Variants in MPP4 observed in about 807,000 individuals in gnomAD.
MPP4 encodes MAGUK p55 scaffold protein 4.
MPP4 carries 91 observed loss-of-function variants against 98.3 expected under a neutral mutation model. The ratio of observed to expected loss-of-function variants is 0.93; its 90% CI spans 0.78 to 1.10. MPP4 has a LOEUF of 1.10. MPP4 is among the 50% of genes least tolerant of loss of function. MPP4 has a pLI of 0.00. For missense variants in MPP4, 744 were observed against 792.9 expected, an observed-to-expected ratio of 0.94 and a Z score of 0.74; for synonymous variants, 261 against 271.8, an observed-to-expected ratio of 0.96 and a Z score of 0.39.
intron 10 of MPP4, among the ~76,000 whole-genome samples, chr2:201,676,486 G>A (rs541261193): frequency 1.3e-5 from 2 of 152,356 alleles, no homozygotes; most frequent in Admixed American, 6.5e-5. Flanking sequence ...ATTTGGCATC[G>A]TGAGGACTAA....
At chr2:201,656,776 G>A (rs539648321) in intron 16 of MPP4, among the ~76,000 whole-genome samples, 92 of 152,210 alleles carry the variant, frequency 6.0e-4, no homozygotes, top group Non-Finnish European at 1.0e-3. Context: ...AAAGGTTGGC[G>A]TTGAGCAGAC....
chr2:201,680,603 T>C (rs1688638021), intron 10 of MPP4: 2 of 472,840 alleles, frequency 4.2e-6, no homozygotes, highest in Non-Finnish European at 3.8e-6. Flanking sequence ...AAGTTTAATT[T>C]AGTTTCCCAA....
At chr2:201,645,511 CAGTA>C (rs1687537562) in intron 21 of MPP4, 107 bp from the exon 22 acceptor site, 3 of 909,812 alleles carry the variant, frequency 3.3e-6, no homozygotes, top group Non-Finnish European at 4.6e-6. Context: ...TGTATAAAAA[CAGTA>C]AGGTCCGAAA....
chr2:201,684,994 G>A, intron 7 of MPP4, 70 bp downstream of exon 7: 22 of 1,106,620 alleles, frequency 2.0e-5, no homozygotes, highest in Middle Eastern at 2.1e-4. Flanking sequence ...GATTTCTCTA[G>A]AAAGAAGCCT....
intron 13 of MPP4, chr2:201,664,307 C>G: frequency 6.9e-7 from 1 of 1,457,164 alleles, no homozygotes; most frequent in Non-Finnish European, 9.2e-7. Context: ...GGCAGTTGAG[C>G]CATGATGACA....
intron 3 of MPP4, among the ~76,000 whole-genome samples, chr2:201,690,599 A>C (rs1165544978): frequency 6.6e-6 from 1 of 152,142 alleles, no homozygotes; most frequent in African/African-American, 2.4e-5. Flanking sequence ...GACTGAAACC[A>C]ATGGGGATTT....
At position 201,690,273 on chromosome 2, in the gene MPP4, C is replaced by A; in HGVS notation, c.208G>T (p.Asp70Tyr). 1 of 1,600,004 alleles carries A rather than the reference C, an allele frequency of 6.2e-7. No individual in the cohort carries two copies. The highest frequency in any genetic ancestry group is 1.1e-5 in the South Asian group (1 of 88,560). Residue 70 changes from aspartate (D) to tyrosine (Y), a missense_variant, in exon 4 of 22, where the codon GAC (aspartate) becomes TAC (tyrosine). Coordinates refer to ENST00000409474, the MANE Select transcript of MPP4 (RefSeq NM_033066.3). ...TTTTCTTTAAATTCCTGGAGGCAGTCATAAATCTGCAGAAGGACAAGGGAG... is the reference window on the plus strand; with the variant it reads ...TTTTCTTTAAATTCCTGGAGGCAGTAATAAATCTGCAGAAGGACAAGGGAG... Reference protein sequence around the residue: ...PWLQALLKIYDCLQEFKEKKL... With the variant: ...PWLQALLKIYYCLQEFKEKKL...
At chr2:201,670,670 TA>T (rs970688692) in intron 11 of MPP4, among the ~76,000 whole-genome samples, 29 of 151,232 alleles carry the variant, frequency 1.9e-4, no homozygotes, top group East Asian at 5.8e-4. Context: ...AAGTTTGTTT[TA>T]AAAAAAAAAT....
In MPP4 at chr2:201,690,251, T is replaced by C. The variant is rs756200036; in HGVS notation, c.230A>G (p.Glu77Gly). ...KIYDCLQEFK[E>G]KKLVPATPHA... is the part of the protein sequence containing the mutation. ...TGGTGTGGCAGGAACTAGTTTCTTT[T>C]CTTTAAATTCCTGGAGGCAGTCATA... The change falls in exon 4 of 22, where the codon GAA becomes GGA. Residue 77 changes from glutamate to glycine, a missense_variant. Transcript: ENST00000409474. 6.2e-7 allele frequency: 1 copy of C among 1,608,700 alleles called. No individual in the cohort carries two copies. Among genetic ancestry groups the C allele is most frequent in the Admixed American group, 1.7e-5 (1 of 59,380 alleles).
intron 20 of MPP4, 57 bp downstream of exon 20, chr2:201,649,519 A>G: frequency 7.5e-7 from 1 of 1,324,786 alleles, no homozygotes; most frequent in East Asian, 2.5e-5. Flanking sequence ...ATGTGCACAA[A>G]AAATGGATGA....
At chr2:201,657,601 G>GTTTTTTTTTTTTTTTT (rs1393900511) in intron 16 of MPP4, among the ~76,000 whole-genome samples, 1 of 104,994 alleles carries the variant, frequency 9.5e-6, no homozygotes, top group Admixed American at 1.1e-4. Context: ...TTTTTTTTTT[G>GTTTTTTTTTTTTTTTT]TTTTTTTGTT....
intron 11 of MPP4, among the ~76,000 whole-genome samples, chr2:201,674,235 A>G (rs1001528869): frequency 3.3e-5 from 5 of 152,258 alleles, no homozygotes; most frequent in Admixed American, 6.5e-5. Flanking sequence ...CCAGTCAGGT[A>G]TAATGCACAT....
chr2:201,697,217 A>G (rs977618835), intron 1 of MPP4, among the ~76,000 whole-genome samples: 27 of 152,242 alleles, frequency 1.8e-4, no homozygotes, highest in African/African-American at 6.5e-4. Flanking sequence ...TCCAGCCTCC[A>G]GAACTGTATG....
chr2:201,687,100 C>G (rs1688860615), intron 5 of MPP4, among the ~76,000 whole-genome samples, 191 bp downstream of exon 5: 1 of 152,218 alleles, frequency 6.6e-6, no homozygotes, highest in Non-Finnish European at 1.5e-5. Flanking sequence ...GCAGGCTTGA[C>G]TGCATGATTG....
In MPP4 at chr2:201,658,477, C is replaced by A; in HGVS notation, c.1129G>T (p.Ala377Ser). 1.2e-6 allele frequency: 2 copies of A among 1,612,178 alleles called. No homozygotes were observed. The highest frequency in any genetic ancestry group is 1.7e-6 in the Non-Finnish European group (2 of 1,179,058). ...FVGYGQKFFI[A>S]GFRRSMRLCR... ...CACCTCTTGTTAATTTATCACCTAC[C>A]TATAAAGAACTTCTGACCGTAGCCA... Residue 377 changes from alanine to serine, a missense_variant and splice_region_variant, in exon 16 of 22, where the codon GCT (alanine) becomes TCT (serine). Coordinates refer to ENST00000409474, the MANE Select transcript of MPP4 (RefSeq NM_033066.3).
chr2:201,692,844 A>G, intron 3 of MPP4, 64 bp downstream of exon 3: 1 of 1,573,032 alleles, frequency 6.4e-7, no homozygotes, highest in Non-Finnish European at 8.6e-7. Context: ...TGAAGCTGTC[A>G]TTTTCTACAC....
intron 16 of MPP4, among the ~76,000 whole-genome samples, chr2:201,657,167 T>A (rs1449114110): frequency 6.6e-6 from 1 of 151,932 alleles, no homozygotes; most frequent in East Asian, 1.9e-4. Context: ...GGGTGGGAGA[T>A]GAGGGTGGCT....
At chr2:201,679,478 A>G (rs1461372960) in intron 10 of MPP4, among the ~76,000 whole-genome samples, 1 of 152,132 alleles carries the variant, frequency 6.6e-6, no homozygotes, top group Admixed American at 6.5e-5. Flanking sequence ...CTGAGAAAAT[A>G]ACAGTTAGGA....
Position 201,645,266 on chromosome 2 carries a change from C to A in MPP4, c.1858G>T (p.Glu620Ter), listed in dbSNP as rs1332830139. The A allele has an allele frequency of 1.2e-6, 2 of 1,613,958 alleles. No homozygotes were observed. The highest frequency in any genetic ancestry group is 1.7e-6 in the Non-Finnish European group (2 of 1,179,834). Residue 620 changes from glutamate to a stop codon, truncating the protein, a stop_gained, in exon 22 of 22, where the codon GAG becomes TAG. Transcript: ENST00000409474. LOFTEE classifies it high-confidence loss of function. ...QLLSAIQKAQEEPQWVPATWI... is the reference protein window; with the variant it reads ...QLLSAIQKAQ The stretch of plus-strand genomic sequence containing the variant: ...GTTGCTGGTACCCACTGAGGCTCCT[C>A]CTGAGCCTTCTGTATGGCAGACAAC...
Sources: allele counts gnomAD v4.1 joint callset (sites outside exome capture counted in the v4.1 genomes callset), GRCh38; gene constraint gnomAD v4.1.1; transcripts MANE v1.5; gene names NCBI Gene and HGNC (gene_info 2026-07-23, HGNC 2026-07-21).